The following TBL1X variants were observed in gnomAD, a reference collection of about 807,000 sequenced individuals.
TBL1X encodes the protein transducin beta like 1 X-linked, also known as F-box-like/WD repeat-containing protein TBL1X.
TBL1X carries 10 observed loss-of-function variants against 50.7 expected under a neutral mutation model. The observed-to-expected ratio is 0.20, with a 90% CI of 0.12 to 0.33. The LOEUF is 0.33. TBL1X is among the 10% of genes least tolerant of loss of function. The pLI is 1.00. For missense variants in TBL1X, 340 were observed against 504.4 expected (o/e 0.67, Z 3.12); for synonymous variants, 190 against 214.7 (o/e 0.88, Z 1.01).
chrX:9,473,096 C>T lies in TBL1X; in HGVS notation c.-201+7649C>T, dbSNP rs1291760689. Reference sequence around the variant, plus strand: ...GAAATGAAGTTGAGTGGAGAACTGTCGCCAAAGTCTGCCATGTAAAAATCG... The same window carrying T: ...GAAATGAAGTTGAGTGGAGAACTGTTGCCAAAGTCTGCCATGTAAAAATCG... On this transcript the variant is annotated intron_variant, in intron 1 of 17. Transcript: ENST00000645353. 1.2e-4 allele frequency among the ~76,000 whole-genome samples: 13 copies of T among 110,946 alleles called. No individual in the cohort carries two copies. In the East Asian group the frequency reaches 1.7e-3, roughly 14 times the overall value.
intron 2 of TBL1X, among the ~76,000 whole-genome samples, chrX:9,554,906 C>T (rs936710469): frequency 2.7e-5 from 3 of 111,325 alleles, no homozygotes; most frequent in Non-Finnish European, 3.8e-5. Context: ...CAGTCACGTC[C>T]TCCCCAGCCC....
intron 16 of TBL1X, among the ~76,000 whole-genome samples, chrX:9,712,668 G>T (rs2083254949): frequency 8.9e-6 from 1 of 112,040 alleles, no homozygotes; most frequent in Non-Finnish European, 1.9e-5. Flanking sequence ...GGTTCTGTTT[G>T]AGGACATAAG....
chrX:9,551,872 T>A (rs2082272864), intron 2 of TBL1X, among the ~76,000 whole-genome samples: 1 of 111,424 alleles, frequency 9.0e-6, no homozygotes, highest in Admixed American at 9.5e-5. Context: ...GACCCTCCAA[T>A]CTGATCAGAT....
intron 2 of TBL1X, among the ~76,000 whole-genome samples, chrX:9,553,165 G>C (rs1242569736): frequency 9.0e-6 from 1 of 110,519 alleles, no homozygotes; most frequent in East Asian, 2.9e-4. Context: ...AAAAACAAAA[G>C]GATATCGAGA....
intron 5 of TBL1X, among the ~76,000 whole-genome samples, chrX:9,658,812 A>G (rs776129802): frequency 9.0e-6 from 1 of 111,274 alleles, no homozygotes; most frequent in Non-Finnish European, 1.9e-5. Context: ...TTGTTTTTTG[A>G]GACTCACTCA....
chrX:9,467,706 G>A (rs1385718302), intron 1 of TBL1X, among the ~76,000 whole-genome samples: 1 of 110,576 alleles, frequency 9.0e-6, no homozygotes, highest in East Asian at 2.8e-4. Flanking sequence ...TTTACCTCCG[G>A]TCTTGCCCCC....
intron 2 of TBL1X, among the ~76,000 whole-genome samples, chrX:9,577,829 C>T (rs961329225): frequency 1.8e-5 from 2 of 112,387 alleles, no homozygotes; most frequent in East Asian, 2.8e-4. Context: ...TGGAGCTTCT[C>T]GGGCAGTGTT....
At chrX:9,714,387 G>C (rs1313435302) in intron 16 of TBL1X, among the ~76,000 whole-genome samples, 1 of 111,842 alleles carries the variant, frequency 8.9e-6, no homozygotes, top group East Asian at 2.8e-4. Context: ...ACCAGAACAG[G>C]ATTAGATGGG....
chrX:9,696,282 C>A (rs929913713), intron 11 of TBL1X, among the ~76,000 whole-genome samples: 30 of 112,325 alleles, frequency 2.7e-4, no homozygotes, highest in Non-Finnish European at 1.1e-4. Flanking sequence ...GTTAATTGGT[C>A]TAGAACTGAC....
chrX:9,524,321 C>A (rs2082122083), intron 2 of TBL1X, among the ~76,000 whole-genome samples: 1 of 111,885 alleles, frequency 8.9e-6, no homozygotes, highest in Non-Finnish European at 1.9e-5. Context: ...CATTCATACT[C>A]TGCACAGCCA....
intron 2 of TBL1X, among the ~76,000 whole-genome samples, chrX:9,577,132 G>C (rs2082416641): frequency 8.9e-6 from 1 of 111,914 alleles, no homozygotes; most frequent in Non-Finnish European, 1.9e-5. Context: ...GTCTTTTCCT[G>C]ATGTCTCAGA....
rs192179782 is a variant in TBL1X at position 9,707,584 on chromosome X, G to A, written c.1237-1664G>A. ...AACCGGGGCTTGCATTGCAGAGCTA[G>A]GGATCCGCTCCCAGGAAGTTATTTG... On this transcript the variant is annotated intron_variant, in intron 13 of 17. Coordinates refer to ENST00000645353, the MANE Select transcript of TBL1X (RefSeq NM_005647.4). 1.8e-3 allele frequency among the ~76,000 whole-genome samples: 198 copies of A among 112,445 alleles called. 1 individual carries two copies. The highest frequency in any genetic ancestry group is 5.8e-3 in the African/African-American group (180 of 30,983).
intron 2 of TBL1X, among the ~76,000 whole-genome samples, chrX:9,601,561 C>T (rs753234895): frequency 1.2e-4 from 13 of 110,930 alleles, no homozygotes; most frequent in East Asian, 2.8e-4. Flanking sequence ...CTTTCATCAG[C>T]GCCCCCCATT....
At chrX:9,644,441 C>G (rs1487968739) in intron 3 of TBL1X, among the ~76,000 whole-genome samples, 1 of 110,961 alleles carries the variant, frequency 9.0e-6, no homozygotes, top group Non-Finnish European at 1.9e-5. Flanking sequence ...ATGCATTGTC[C>G]GGCTCATGTG....
At position 9,556,760 on chromosome X, in the gene TBL1X, G is replaced by A. The variant is rs187366197; in HGVS notation, c.-131+54911G>A. On this transcript the variant is annotated intron_variant, in intron 2 of 17. Coordinates refer to ENST00000645353, the MANE Select transcript of TBL1X (RefSeq NM_005647.4). ...GGGTGGTGGTATTTGCTGAAGGCTC[G>A]AGGGTTAAGTTTCTGGTTTTTTGTT... Among the ~76,000 whole-genome samples the A allele has an allele frequency of 1.5e-3, 169 of 109,919 alleles. 1 individual carries two copies. Among genetic ancestry groups the A allele is most frequent in the Non-Finnish European group, 2.2e-3 (116 of 52,843 alleles).
chrX:9,565,316 A>C, intron 2 of TBL1X, among the ~76,000 whole-genome samples: 1 of 106,159 alleles, frequency 9.4e-6, no homozygotes, highest in East Asian at 2.9e-4. Flanking sequence ...TATATTGCCC[A>C]CTCAGCAGTG....
chrX:9,583,033 C>T (rs1425433688), intron 2 of TBL1X, among the ~76,000 whole-genome samples: 1 of 112,609 alleles, frequency 8.9e-6, no homozygotes, highest in Non-Finnish European at 1.9e-5. Context: ...TACTATTATT[C>T]TGTAATTGTT....
At chrX:9,597,856 C>T (rs761149496) in intron 2 of TBL1X, among the ~76,000 whole-genome samples, 5 of 111,767 alleles carry the variant, frequency 4.5e-5, no homozygotes, top group Admixed American at 9.5e-5. Flanking sequence ...AGGTTTCAGA[C>T]GTTAGTCAGT....
At chrX:9,555,225 A>T (rs2146994759) in intron 2 of TBL1X, among the ~76,000 whole-genome samples, 1 of 110,902 alleles carries the variant, frequency 9.0e-6, no homozygotes, top group South Asian at 3.9e-4. Flanking sequence ...ACAGGCAGAC[A>T]ACACCACGCC....
Sources: allele counts gnomAD v4.1 joint callset (sites outside exome capture counted in the v4.1 genomes callset), GRCh38; gene constraint gnomAD v4.1.1; transcripts MANE v1.5; gene names NCBI Gene and HGNC (gene_info 2026-07-23, HGNC 2026-07-21).